DCHS2: variants seen among roughly 807,000 people sequenced by gnomAD.
DCHS2 encodes dachsous cadherin-related 2.
DCHS2 carries 142 observed loss-of-function variants against 182.4 expected under a neutral mutation model. The ratio of observed to expected loss-of-function variants is 0.78; its 90% CI spans 0.68 to 0.89. The LOEUF is 0.89. Among genes scored for constraint, DCHS2 ranks in the 40% least tolerant of loss-of-function variants. The pLI is 0.00. For synonymous variants in DCHS2, 1,740 were observed against 1,663.3 expected, an observed-to-expected ratio of 1.05 and a Z score of -1.12; for missense variants, 4,319 against 4,198.6, an observed-to-expected ratio of 1.03 and a Z score of -0.79.
chr4:154,283,010 A>G (rs1377942150), intron 13 of DCHS2, among the ~76,000 whole-genome samples: 1 of 152,150 alleles, frequency 6.6e-6, no homozygotes, highest in Non-Finnish European at 1.5e-5. Context: ...GGCATTTGCT[A>G]AGGGTTGGTG....
chr4:154,302,195 G>A (rs912654496), intron 12 of DCHS2, among the ~76,000 whole-genome samples: 2 of 152,108 alleles, frequency 1.3e-5, no homozygotes, highest in Non-Finnish European at 2.9e-5. Context: ...AACTGAAAAT[G>A]CTCATTCATA....
rs543248627 is a variant in DCHS2 at position 154,308,620 on chromosome 4, G to A, written c.5261-3389C>T. 5.9e-5 allele frequency among the ~76,000 whole-genome samples: 9 copies of A among 152,268 alleles called. No individual in the cohort carries two copies. The South Asian group carries it at 1.2e-3, about 21-fold the overall frequency. The stretch of plus-strand genomic sequence containing the variant: ...TAGAGTGGAAGATGATTAAATCAAC[G>A]AGTAATGGAAAGTGTGATGGAATAT... On this transcript the variant is annotated intron_variant, in intron 10 of 19. Coordinates refer to ENST00000357232, the MANE Select transcript of DCHS2 (RefSeq NM_001358235.2).
chr4:154,307,553 C>G (rs920825770), intron 10 of DCHS2, among the ~76,000 whole-genome samples: 2 of 152,204 alleles, frequency 1.3e-5, no homozygotes, highest in Non-Finnish European at 1.5e-5. Flanking sequence ...ATTCATTTCT[C>G]TCCTTCTCCA....
chr4:154,255,714 A>G (rs1052487179), intron 15 of DCHS2, 44 bp from the exon 16 acceptor site: 2 of 1,582,080 alleles, frequency 1.3e-6, no homozygotes, highest in Non-Finnish European at 1.7e-6. Context: ...TTATTCTGCA[A>G]TATGGGTTCA....
intron 15 of DCHS2, among the ~76,000 whole-genome samples, chr4:154,259,159 G>A (rs886755740): frequency 6.6e-6 from 1 of 152,116 alleles, no homozygotes; most frequent in Non-Finnish European, 1.5e-5. Context: ...TGAAGACTTA[G>A]TGTAAATATC....
chr4:154,320,239 A>G, intron 9 of DCHS2, 140 bp downstream of exon 9: 1 of 1,343,802 alleles, frequency 7.4e-7, no homozygotes, highest in Non-Finnish European at 9.9e-7. Context: ...AATAATATCT[A>G]GAGATACGCT....
At chr4:154,315,466 C>T (rs1030494121) in intron 10 of DCHS2, among the ~76,000 whole-genome samples, 3 of 152,128 alleles carry the variant, frequency 2.0e-5, no homozygotes, top group Non-Finnish European at 2.9e-5. Context: ...TTTGTCCATA[C>T]TTCGATTATC....
chr4:154,467,581 A>G (rs1013951353), intron 1 of DCHS2, among the ~76,000 whole-genome samples: 3 of 152,170 alleles, frequency 2.0e-5, no homozygotes, highest in African/African-American at 7.2e-5. Flanking sequence ...AGTTTAAACA[A>G]TGTTTGTAAT....
In DCHS2 at chr4:154,481,715, C is replaced by T. The variant is rs181252923; in HGVS notation, c.2052+7589G>A. On this transcript the variant is annotated intron_variant, in intron 1 of 19. Transcript: ENST00000357232. ...TCATTTAATCGCCACAATAACCCTA[C>T]CAGGTGAATCCCATTATCATCCCTA... is the stretch of plus-strand genomic sequence containing the variant. Among the ~76,000 whole-genome samples, 5 of 152,268 alleles carry T rather than the reference C, an allele frequency of 3.3e-5. No individual in the cohort carries two copies. The East Asian group carries it at 9.6e-4, about 29-fold the overall frequency.
chr4:154,266,926 G>C (rs1487813765), intron 14 of DCHS2, among the ~76,000 whole-genome samples: 1 of 151,990 alleles, frequency 6.6e-6, no homozygotes, highest in East Asian at 1.9e-4. Flanking sequence ...AATTCTCATT[G>C]GCCTTCAATA....
intron 12 of DCHS2, among the ~76,000 whole-genome samples, chr4:154,303,047 T>C (rs2111295466): frequency 6.8e-6 from 1 of 146,772 alleles, no homozygotes; most frequent in East Asian, 2.1e-4. Flanking sequence ...AATGGCACAA[T>C]CTCAGCTCAC....
At chr4:154,314,196 A>C (rs1296261886) in intron 10 of DCHS2, among the ~76,000 whole-genome samples, 1 of 152,182 alleles carries the variant, frequency 6.6e-6, no homozygotes, top group East Asian at 1.9e-4. Context: ...AACATCAGCA[A>C]TAAGTTCAGT....
intron 1 of DCHS2, among the ~76,000 whole-genome samples, chr4:154,385,349 G>A (rs1483476703): frequency 2.6e-5 from 4 of 152,126 alleles, no homozygotes; most frequent in Non-Finnish European, 5.9e-5. Context: ...TTGGTTCCAA[G>A]TCTTTGCTAT....
At position 154,490,642 on chromosome 4, in the gene DCHS2, G is replaced by T. The variant is rs1728787476; in HGVS notation, c.714C>A (p.Gly238=). ...PGPLPSPLLP[G]SSSPLEPLDL... The stretch of plus-strand genomic sequence containing the variant: ...CTAGAGGCTCCAGGGGTGACGAGGA[G>T]CCTGGCAAAAGCGGTGACGGTAGTG... The change falls in exon 1 of 20, where the codon GGC becomes GGA. Residue 238 remains glycine, a synonymous_variant. Transcript: ENST00000357232. The T allele has an allele frequency of 9.0e-6, 14 of 1,551,176 alleles. No homozygotes were observed. Among genetic ancestry groups the T allele is most frequent in the Admixed American group, 2.0e-5 (1 of 51,006 alleles).
chr4:154,298,382 C>G lies in DCHS2; in HGVS notation c.5932G>C (p.Gly1978Arg). The change falls in exon 13 of 20, where the codon GGT becomes CGT. Residue 1978 changes from glycine (G) to arginine (R), a missense_variant. Physicochemically the swap from Gly to Arg is moderately radical, Grantham distance 125. Coordinates refer to ENST00000357232, the MANE Select transcript of DCHS2 (RefSeq NM_001358235.2). ...GACATAGGATCAATGGTGAATGCACCAGAAGCCTCATCAGTCAGAAAATAC... is the reference window on the plus strand; with the variant it reads ...GACATAGGATCAATGGTGAATGCACGAGAAGCCTCATCAGTCAGAAAATAC... The part of the protein sequence containing the change: ...TEYFLTDEAS[G>R]AFTIDPMSGT... 2 of 1,614,116 alleles carry G rather than the reference C, an allele frequency of 1.2e-6. No individual in the cohort carries two copies. Among genetic ancestry groups the G allele is most frequent in the Non-Finnish European group, 1.7e-6 (2 of 1,180,000 alleles).
At position 154,429,584 on chromosome 4, in the gene DCHS2, C is replaced by A. The variant is rs549013488; in HGVS notation, c.2053-52140G>T. Among the ~76,000 whole-genome samples, 4 of 152,116 alleles carry A rather than the reference C, an allele frequency of 2.6e-5. 1 individual carries two copies. The highest frequency in any genetic ancestry group is 5.9e-5 in the Non-Finnish European group (4 of 68,020). On this transcript the variant is annotated intron_variant, in intron 1 of 19. Coordinates refer to ENST00000357232, the MANE Select transcript of DCHS2 (RefSeq NM_001358235.2). ...CCCAGCGGCAGCACATTTCTTAGAC[C>A]ATCTTGGCCATCTGACCCAGCTCTC...
At chr4:154,240,002 C>G (rs1191701496) in intron 18 of DCHS2, among the ~76,000 whole-genome samples, 1 of 152,132 alleles carries the variant, frequency 6.6e-6, no homozygotes, top group Non-Finnish European at 1.5e-5. Context: ...TGTGTTTACA[C>G]TTAAATCTTG....
At chr4:154,485,055 T>G (rs4696592) in intron 1 of DCHS2, among the ~76,000 whole-genome samples, 138,437 of 152,124 alleles carry the variant, frequency 0.91, 64,364 homozygotes, top group East Asian at 1. Flanking sequence ...ACTTTCTACC[T>G]CAACATACCA....
chr4:154,433,659 G>T (rs1280910385), intron 1 of DCHS2, among the ~76,000 whole-genome samples: 1 of 152,142 alleles, frequency 6.6e-6, no homozygotes, highest in Non-Finnish European at 1.5e-5. Flanking sequence ...CTCCCAAAGT[G>T]CTGGGATTAC....
Sources: allele counts gnomAD v4.1 joint callset (sites outside exome capture counted in the v4.1 genomes callset), GRCh38; gene constraint gnomAD v4.1.1; transcripts MANE v1.5; gene names NCBI Gene and HGNC (gene_info 2026-07-23, HGNC 2026-07-21).